The following TNFRSF19 variants were observed in gnomAD, a reference collection of about 807,000 sequenced individuals.
TNFRSF19 encodes TNF receptor superfamily member 19, also known as tumor necrosis factor receptor superfamily member 19.
TNFRSF19 carries 27 observed loss-of-function variants against 46.4 expected under a neutral mutation model. That is an observed-to-expected ratio of 0.58 (90% CI 0.43 to 0.80). The LOEUF (loss-of-function observed/expected upper bound fraction) is 0.80. TNFRSF19 is among the 30% of genes least tolerant of loss of function. TNFRSF19 has a pLI of 0.00. For synonymous variants in TNFRSF19, 204 were observed against 205.0 expected, an observed-to-expected ratio of 1.00 and a Z score of 0.04; for missense variants, 511 against 530.8, an observed-to-expected ratio of 0.96 and a Z score of 0.37.
chr13:23,638,188 A>AGAAAAACATCC (rs1370190031), intron 5 of TNFRSF19, among the ~76,000 whole-genome samples: 1 of 152,268 alleles, frequency 6.6e-6, no homozygotes, highest in African/African-American at 2.4e-5. Flanking sequence ...ACTATTAAAA[A>AGAAAAACATCC]GAAAAACATC....
chr13:23,644,284 A>G (rs564465455), intron 5 of TNFRSF19, among the ~76,000 whole-genome samples: 5 of 152,320 alleles, frequency 3.3e-5, no homozygotes, highest in Non-Finnish European at 7.4e-5. Context: ...CGTAGTTCCC[A>G]TAATCTCCAC....
At chr13:23,661,983 G>A (rs1884395206) in intron 7 of TNFRSF19, among the ~76,000 whole-genome samples, 2 of 152,110 alleles carry the variant, frequency 1.3e-5, no homozygotes, top group Non-Finnish European at 2.9e-5. Context: ...CATTCTGTAG[G>A]TTGTCTGTTT....
chr13:23,598,517 C>T, intron 3 of TNFRSF19, among the ~76,000 whole-genome samples: 1 of 152,144 alleles, frequency 6.6e-6, no homozygotes, highest in Non-Finnish European at 1.5e-5. Flanking sequence ...AATAAAGATG[C>T]TCTGAGATAG....
At chr13:23,574,232 A>T (rs1877814557) in intron 1 of TNFRSF19, among the ~76,000 whole-genome samples, 2 of 152,120 alleles carry the variant, frequency 1.3e-5, no homozygotes, top group South Asian at 4.1e-4. Flanking sequence ...TATTACTAAC[A>T]TGACCTAATA....
chr13:23,571,473 C>T (rs1431562156), intron 1 of TNFRSF19, among the ~76,000 whole-genome samples: 1 of 152,108 alleles, frequency 6.6e-6, no homozygotes, highest in East Asian at 1.9e-4. Context: ...CTAAGTTTGG[C>T]TAAAAATACT....
intron 7 of TNFRSF19, among the ~76,000 whole-genome samples, chr13:23,662,311 AT>A (rs1470408785): frequency 6.6e-6 from 1 of 151,958 alleles, no homozygotes; most frequent in Non-Finnish European, 1.5e-5. Context: ...GCTTTTGTCA[AT>A]TTTGTTGAAG....
intron 1 of TNFRSF19, among the ~76,000 whole-genome samples, chr13:23,584,326 T>C (rs1878674003): frequency 6.6e-6 from 1 of 152,174 alleles, no homozygotes; most frequent in African/African-American, 2.4e-5. Flanking sequence ...ACATACAATG[T>C]TTGGTTTTCC....
intron 5 of TNFRSF19, among the ~76,000 whole-genome samples, chr13:23,653,494 T>G (rs1883780722): frequency 6.6e-6 from 1 of 152,160 alleles, no homozygotes; most frequent in Non-Finnish European, 1.5e-5. Context: ...GGGGAGAAAC[T>G]GCAATTGTAA....
intron 5 of TNFRSF19, 63 bp from the exon 6 acceptor site, chr13:23,658,987 T>G: frequency 1.2e-6 from 2 of 1,606,602 alleles, no homozygotes; most frequent in Admixed American, 3.3e-5. Context: ...GCCTGCCAGC[T>G]TCGCCATAAA....
chr13:23,665,719 A>G (rs1339775080), intron 7 of TNFRSF19, among the ~76,000 whole-genome samples: 5 of 152,194 alleles, frequency 3.3e-5, no homozygotes, highest in African/African-American at 4.8e-5. Flanking sequence ...CTTCCTAAGA[A>G]CAAGAACATT....
intron 4 of TNFRSF19, 131 bp downstream of exon 4, chr13:23,616,176 C>A (rs1484600768): frequency 1.7e-5 from 16 of 949,428 alleles, no homozygotes; most frequent in Non-Finnish European, 3.0e-6. Context: ...GTATTTGTGA[C>A]TTCTTTCAGT....
At chr13:23,656,770 A>G (rs937589485) in intron 5 of TNFRSF19, among the ~76,000 whole-genome samples, 1 of 152,094 alleles carries the variant, frequency 6.6e-6, no homozygotes, top group African/African-American at 2.4e-5. Flanking sequence ...TTTGGTCCAG[A>G]TGGATAATGC....
In TNFRSF19 at chr13:23,659,101, G is replaced by A. The variant is rs373490793; in HGVS notation, c.497G>A (p.Arg166Gln). 5.0e-6 allele frequency: 8 copies of A among 1,613,842 alleles called. No homozygotes were observed. The highest frequency in any genetic ancestry group is 1.7e-4 in the Middle Eastern group (1 of 6,052). The change falls in exon 6 of 10, where the codon CGG becomes CAG. Residue 166 changes from arginine (R) to glutamine (Q), a missense_variant. By Grantham distance (43) the Arg-to-Gln change is conservative. This residue lies in a region of TNFRSF19 where 376 missense variants were observed against 372.7 expected (regional missense o/e 1.01). Coordinates refer to ENST00000248484, the MANE Select transcript of TNFRSF19 (RefSeq NM_148957.4). The surrounding 1 kb of genome is among the most constrained non-coding windows in gnomAD (Gnocchi z 4.9). ...VKIASTASSP[R>Q]DTALAAVICS... is the part of the protein sequence containing the mutation. ...ATCGCGTCCACGGCCTCCAGCCCAC[G>A]GGACACGGCGCTGGCTGCCGTTATC...
At chr13:23,571,729 C>T (rs746433054) in intron 1 of TNFRSF19, among the ~76,000 whole-genome samples, 2 of 151,840 alleles carry the variant, frequency 1.3e-5, no homozygotes, top group African/African-American at 2.4e-5. Context: ...ATTGCTGTAC[C>T]GAATTTGAAA....
intron 1 of TNFRSF19, among the ~76,000 whole-genome samples, chr13:23,587,520 G>GT (rs1451723162): frequency 5.3e-5 from 8 of 152,120 alleles, no homozygotes; most frequent in Admixed American, 5.2e-4. Flanking sequence ...TTTAACCAAT[G>GT]TTTGTTGAAT....
chr13:23,614,357 A>G (rs983641304), intron 3 of TNFRSF19, among the ~76,000 whole-genome samples: 4 of 152,262 alleles, frequency 2.6e-5, no homozygotes, highest in Non-Finnish European at 5.9e-5. Context: ...AAGTACAGGC[A>G]GCACTATCCT....
chr13:23,653,074 C>T (rs1159464960), intron 5 of TNFRSF19, among the ~76,000 whole-genome samples: 2 of 152,200 alleles, frequency 1.3e-5, no homozygotes, highest in African/African-American at 4.8e-5. Context: ...CAGGATGTCT[C>T]AGAGCCCAGC....
chr13:23,595,355 AT>A (rs1879641459), intron 3 of TNFRSF19, among the ~76,000 whole-genome samples: 3 of 152,198 alleles, frequency 2.0e-5, no homozygotes. Context: ...GAAGCTAAGA[AT>A]CTTGAAAAAA....
At chr13:23,578,049 A>G (rs1878084839) in intron 1 of TNFRSF19, among the ~76,000 whole-genome samples, 1 of 152,140 alleles carries the variant, frequency 6.6e-6, no homozygotes, top group South Asian at 2.1e-4. Flanking sequence ...CTCAGCTTAG[A>G]AGTGCTGAGT....
Sources: gnomAD v4.1 joint callset for allele counts (sites outside exome capture counted in the v4.1 genomes callset) on GRCh38, gnomAD v4.1.1 for gene constraint, gnomAD v4.1.1 regional missense constraint, Gnocchi (gnomAD v3.1) non-coding constraint, MANE v1.5 for transcripts, NCBI Gene and HGNC (gene_info 2026-07-23, HGNC 2026-07-21) for gene names.